AFF2: variants seen among roughly 807,000 people sequenced by gnomAD.
AFF2 encodes AF4/FMR2 family member 2.
A neutral mutation model predicts 76.9 loss-of-function variants in AFF2; 14 were observed. The ratio of observed to expected loss-of-function variants is 0.18; its 90% CI spans 0.12 to 0.28. The LOEUF is 0.28. AFF2 is among the 10% of genes least tolerant of loss of function. AFF2 has a pLI of 1.00. For missense variants in AFF2, 868 were observed against 1,001.1 expected (o/e 0.87, Z 1.79); for synonymous variants, 398 against 366.7 (o/e 1.09, Z -0.98).
At chrX:148,539,001 C>G (rs2052821798) in intron 1 of AFF2, among the ~76,000 whole-genome samples, 1 of 111,918 alleles carries the variant, frequency 8.9e-6, no homozygotes, top group Non-Finnish European at 1.9e-5. Flanking sequence ...GACTTGTCCT[C>G]TGCTGAGCAG....
In AFF2 at chrX:148,944,972, C is replaced by T. The variant is rs142274276; in HGVS notation, c.1398-8608C>T. On this transcript the variant is annotated intron_variant, in intron 9 of 20. Transcript: ENST00000370460. ...GAAGTAGTAAGAGTATCTAATTTATCGTGTTGTGGTGCAAATTAAGGGAGA... is the reference window on the plus strand; with the variant it reads ...GAAGTAGTAAGAGTATCTAATTTATTGTGTTGTGGTGCAAATTAAGGGAGA... Among the ~76,000 whole-genome samples the T allele has an allele frequency of 3.6e-3, 405 of 111,536 alleles. 2 individuals are homozygous for T. The highest frequency in any genetic ancestry group is 0.012 in the African/African-American group (379 of 30,621).
intron 4 of AFF2, among the ~76,000 whole-genome samples, chrX:148,835,489 T>C (rs1886770754): frequency 1.0e-5 from 1 of 99,426 alleles, no homozygotes. Flanking sequence ...ACATACTTTT[T>C]TTTTTTTTTT....
chrX:148,674,680 C>A (rs1357025833), intron 3 of AFF2, among the ~76,000 whole-genome samples: 1 of 111,790 alleles, frequency 8.9e-6, no homozygotes, highest in African/African-American at 3.3e-5. Context: ...GGACTCCCAG[C>A]GCAGGAAACC....
intron 1 of AFF2, among the ~76,000 whole-genome samples, chrX:148,528,710 T>A (rs1296666410): frequency 3.6e-5 from 4 of 111,921 alleles, no homozygotes; most frequent in African/African-American, 1.3e-4. Flanking sequence ...TATAATACTT[T>A]AAAATAATAA....
intron 8 of AFF2, among the ~76,000 whole-genome samples, chrX:148,896,390 TG>T (rs1191583084): frequency 8.9e-6 from 1 of 111,891 alleles, no homozygotes; most frequent in East Asian, 2.8e-4. Context: ...GTTTCACAAC[TG>T]TTACAATTGA....
intron 9 of AFF2, among the ~76,000 whole-genome samples, chrX:148,906,386 G>A (rs1784487652): frequency 9.0e-6 from 1 of 111,391 alleles, no homozygotes; most frequent in African/African-American, 3.3e-5. Flanking sequence ...CCATTGAGAG[G>A]GGGACTGAGA....
intron 3 of AFF2, among the ~76,000 whole-genome samples, chrX:148,761,836 A>T (rs6641458): frequency 1.9e-4 from 21 of 110,573 alleles, no homozygotes; most frequent in African/African-American, 5.9e-4. Context: ...GTATATTATT[A>T]AAAAAGTGAG....
intron 1 of AFF2, among the ~76,000 whole-genome samples, chrX:148,575,103 A>C (rs1447025551): frequency 1.8e-5 from 2 of 110,675 alleles, no homozygotes; most frequent in Non-Finnish European, 3.8e-5. Flanking sequence ...CCTACCTAGC[A>C]GATTCAATAG....
chrX:148,774,616 G>A (rs1423229092), intron 3 of AFF2, among the ~76,000 whole-genome samples: 4 of 111,288 alleles, frequency 3.6e-5, no homozygotes, highest in South Asian at 3.8e-4. Context: ...ACACATGGCC[G>A]CTGCTCTAAA....
intron 3 of AFF2, among the ~76,000 whole-genome samples, chrX:148,786,615 G>A (rs1334547475): frequency 8.9e-6 from 1 of 111,797 alleles, no homozygotes; most frequent in Admixed American, 9.5e-5. Context: ...AAGGCCACCA[G>A]TTATATTGGA....
chrX:148,703,827 T>G (rs1400076006), intron 3 of AFF2, among the ~76,000 whole-genome samples: 4 of 111,277 alleles, frequency 3.6e-5, no homozygotes, highest in African/African-American at 1.3e-4. Context: ...ATTTTATTCT[T>G]AAGAGTTTCA....
chrX:148,771,871 T>G (rs1193923618), intron 3 of AFF2, among the ~76,000 whole-genome samples: 1 of 111,715 alleles, frequency 9.0e-6, no homozygotes, highest in Non-Finnish European at 1.9e-5. Context: ...AGTAGGAAAT[T>G]AGTTCTGTGA....
rs370373395 is a variant in AFF2, at chrX:148,955,987, C to T, written c.1942C>T (p.Pro648Ser). Residue 648 changes from proline (P) to serine (S), a missense_variant, in exon 11 of 21, where the codon CCA (proline) becomes TCA (serine). Pro to Ser is a moderately conservative substitution (Grantham distance 74). This residue lies in a region of AFF2 where 532 missense variants were observed against 564.2 expected (regional missense o/e 0.94). Transcript: ENST00000370460. ...TSTDEFTWPK[P>S]NITSSTPKEK... ...CACTGACGAGTTTACCTGGCCCAAA[C>T]CAAATATTACCAGCAGCACTCCCAA... 8.3e-7 allele frequency: 1 copy of T among 1,209,113 alleles called. No homozygotes were observed. Among genetic ancestry groups the T allele is most frequent in the African/African-American group, 1.8e-5 (1 of 56,794 alleles).
intron 15 of AFF2, among the ~76,000 whole-genome samples, chrX:148,970,574 A>G (rs782456790): frequency 2.3e-4 from 26 of 112,437 alleles, no homozygotes; most frequent in Non-Finnish European, 1.5e-4. Flanking sequence ...CATGTATAAT[A>G]TTCATTACAC....
At chrX:148,563,843 C>T (rs2053140552) in intron 1 of AFF2, among the ~76,000 whole-genome samples, 1 of 111,561 alleles carries the variant, frequency 9.0e-6, no homozygotes, top group African/African-American at 3.3e-5. Flanking sequence ...GTAAATAAGA[C>T]ACCATATCTT....
intron 9 of AFF2, among the ~76,000 whole-genome samples, chrX:148,907,693 G>A (rs1379008357): frequency 3.6e-5 from 4 of 111,667 alleles, no homozygotes; most frequent in African/African-American, 1.3e-4. Context: ...GAGGCAGGGC[G>A]AGATCACAGG....
chrX:148,967,793 C>A, intron 15 of AFF2, 101 bp downstream of exon 15: 2 of 678,277 alleles, frequency 2.9e-6, no homozygotes, highest in Non-Finnish European at 4.5e-6. Flanking sequence ...GTATCACAGC[C>A]CACACCTGCC....
At chrX:148,550,660 T>A (rs1337946326) in intron 1 of AFF2, among the ~76,000 whole-genome samples, 1 of 111,611 alleles carries the variant, frequency 9.0e-6, no homozygotes, top group Non-Finnish European at 1.9e-5. Context: ...TTGAAATGCA[T>A]TTTCAGCTTA....
intron 3 of AFF2, among the ~76,000 whole-genome samples, chrX:148,760,728 G>C (rs2069429517): frequency 8.9e-6 from 1 of 112,161 alleles, no homozygotes; most frequent in Admixed American, 9.5e-5. Flanking sequence ...CCTAGAGTTT[G>C]TATTGTTCAT....
Sources: gnomAD v4.1 joint callset for allele counts (sites outside exome capture counted in the v4.1 genomes callset) on GRCh38, gnomAD v4.1.1 for gene constraint, gnomAD v4.1.1 regional missense constraint, MANE v1.5 for transcripts, NCBI Gene and HGNC (gene_info 2026-07-23, HGNC 2026-07-21) for gene names.